Variants in KIRREL3 observed in about 807,000 individuals in gnomAD.
KIRREL3 encodes the protein kin of IRRE-like protein 3.
KIRREL3 carries 36 observed loss-of-function variants against 89.7 expected under a neutral mutation model. The ratio of observed to expected loss-of-function variants is 0.40; its 90% CI spans 0.31 to 0.53. The LOEUF (loss-of-function observed/expected upper bound fraction) is 0.53. Among genes scored for constraint, KIRREL3 ranks in the 20% least tolerant of loss-of-function variants. KIRREL3 has a pLI of 0.49. For missense variants in KIRREL3, 864 were observed against 1,056.6 expected (o/e 0.82, Z 2.53); for synonymous variants, 445 against 441.4 (o/e 1.01, Z -0.10).
rs533217016 is a variant in KIRREL3 at position 126,645,782 on chromosome 11, A to G, written c.56-82870T>C. On this transcript the variant is annotated intron_variant, in intron 1 of 16. Coordinates refer to ENST00000525144, the MANE Select transcript of KIRREL3 (RefSeq NM_032531.4). This position sits in a 1 kb window ranked among gnomAD's most constrained non-coding sequence, Gnocchi z 4.9. Reference sequence around the variant, plus strand: ...TTCGCCTATGCTTTGGACCACATTTAATTAAATGCCTACATTACTGCTTCC... The same window carrying G: ...TTCGCCTATGCTTTGGACCACATTTGATTAAATGCCTACATTACTGCTTCC... Among the ~76,000 whole-genome samples the G allele has an allele frequency of 6.6e-6, 1 of 152,244 alleles. No homozygotes were observed. Among genetic ancestry groups the G allele is most frequent in the African/African-American group, 2.4e-5 (1 of 41,540 alleles).
Position 126,705,914 on chromosome 11 carries a change from T to C in KIRREL3, c.56-143002A>G, listed in dbSNP as rs1396327832. On this transcript the variant is annotated intron_variant, in intron 1 of 16. Coordinates refer to ENST00000525144, the MANE Select transcript of KIRREL3 (RefSeq NM_032531.4). This position sits in a 1 kb window ranked among gnomAD's most constrained non-coding sequence, Gnocchi z 4.3. ...TGTTTCTGCTTGCAGTCACTTAGAA[T>C]GCTCCTTTTCAGAATCTGGCCCCTG... is the stretch of plus-strand genomic sequence containing the variant. 6.6e-6 allele frequency among the ~76,000 whole-genome samples: 1 copy of C among 152,222 alleles called. No individual in the cohort carries two copies. The highest frequency in any genetic ancestry group is 1.9e-4 in the East Asian group (1 of 5,202).
intron 1 of KIRREL3, among the ~76,000 whole-genome samples, chr11:126,633,371 A>AC (rs1490766299): frequency 2.0e-5 from 3 of 152,046 alleles, no homozygotes; most frequent in Non-Finnish European, 2.9e-5. Flanking sequence ...AAACAAACAA[A>AC]AAAATTGATT....
chr11:126,914,206 G>A (rs1479660746), intron 1 of KIRREL3, among the ~76,000 whole-genome samples: 1 of 152,218 alleles, frequency 6.6e-6, no homozygotes, highest in Non-Finnish European at 1.5e-5. Flanking sequence ...AAAAGGAAAG[G>A]GCACGTGGAG....
intron 10 of KIRREL3, among the ~76,000 whole-genome samples, chr11:126,442,104 G>C (rs1019842576): frequency 1.3e-5 from 2 of 151,618 alleles, no homozygotes; most frequent in Admixed American, 1.3e-4. Context: ...AACCCCGTCT[G>C]TACTAAAAAT....
In KIRREL3 at chr11:126,429,221, A is replaced by G; in HGVS notation, c.1764T>C (p.Ser588=). Residue 588 remains serine (S), a synonymous_variant, in exon 15 of 17, where the codon TCT becomes TCC. Transcript: ENST00000525144. This position sits in a 1 kb window ranked among gnomAD's most constrained non-coding sequence, Gnocchi z 5.2. The stretch of plus-strand genomic sequence containing the variant: ...TGGAGTGCTCCTCACCCTCCCGACC[A>G]GAGGCTGGTTCCTTGTGGACAATTT... ...RVEIVHKEPA[S]GREGEEHSTI... is the part of the protein sequence containing the mutation. 1.9e-6 allele frequency: 3 copies of G among 1,613,972 alleles called. No individual in the cohort carries two copies. The highest frequency in any genetic ancestry group is 2.5e-6 in the Non-Finnish European group (3 of 1,179,850).
At chr11:126,923,176 C>CTTCTTCT (rs766266024) in intron 1 of KIRREL3, among the ~76,000 whole-genome samples, 466 of 17,966 alleles carry the variant, frequency 0.026, 115 homozygotes, top group Non-Finnish European at 0.026. Context: ...TCTTCTTCTT[C>CTTCTTCT]TCTTCTTCTT....
intron 2 of KIRREL3, among the ~76,000 whole-genome samples, chr11:126,538,502 C>G (rs1938098739): frequency 1.3e-5 from 2 of 152,132 alleles, no homozygotes; most frequent in South Asian, 4.1e-4. Flanking sequence ...CCTCGAAACC[C>G]AAGTCTTGAA....
chr11:126,693,462 T>C (rs1946958958), intron 1 of KIRREL3, among the ~76,000 whole-genome samples: 3 of 151,936 alleles, frequency 2.0e-5, no homozygotes, highest in Admixed American at 2.0e-4. Flanking sequence ...ACAAAAAAAC[T>C]GGCTATCAGG....
At chr11:126,461,316 C>T (rs530907414) in intron 6 of KIRREL3, among the ~76,000 whole-genome samples, 1 of 152,244 alleles carries the variant, frequency 6.6e-6, no homozygotes, top group Admixed American at 6.5e-5. Context: ...AGGCCAGGGC[C>T]AGGGCCAGTG....
chr11:126,825,240 C>T (rs1943366873), intron 1 of KIRREL3, among the ~76,000 whole-genome samples: 1 of 152,158 alleles, frequency 6.6e-6, no homozygotes, highest in African/African-American at 2.4e-5. Context: ...TGCTTCATGT[C>T]TGTGCACTTG....
In KIRREL3 at chr11:126,775,084, A is replaced by G. The variant is rs915255180; in HGVS notation, c.56-212172T>C. On this transcript the variant is annotated intron_variant, in intron 1 of 16. Coordinates refer to ENST00000525144, the MANE Select transcript of KIRREL3 (RefSeq NM_032531.4). ...CTGCTAGGCTTTAGTTTTCCCGAGC[A>G]GCTGGGGCAAATACCCAACAAATAC... Among the ~76,000 whole-genome samples the G allele has an allele frequency of 7.2e-5, 11 of 152,318 alleles. No individual in the cohort carries two copies. The East Asian group carries it at 9.7e-4, about 13-fold the overall frequency.
chr11:126,563,756 C>T lies in KIRREL3; in HGVS notation c.56-844G>A, dbSNP rs969737759. On this transcript the variant is annotated intron_variant, in intron 1 of 16. Transcript: ENST00000525144. The surrounding 1 kb of genome is among the most constrained non-coding windows in gnomAD (Gnocchi z 6.8). ...TGTGTGTGAGCATTAAATTGGAGTC[C>T]ATCTGCCTCACAAGAAGGCAAGCTT... Among the ~76,000 whole-genome samples, 1 of 152,110 alleles carries T rather than the reference C, an allele frequency of 6.6e-6. No individual in the cohort carries two copies. The highest frequency in any genetic ancestry group is 1.5e-5 in the Non-Finnish European group (1 of 68,016).
At position 126,811,770 on chromosome 11, in the gene KIRREL3, A is replaced by T. The variant is rs1204271592; in HGVS notation, c.55+188685T>A. Among the ~76,000 whole-genome samples the T allele has an allele frequency of 6.6e-6, 1 of 152,082 alleles. No individual in the cohort carries two copies. The highest frequency in any genetic ancestry group is 2.4e-5 in the African/African-American group (1 of 41,424). ...CCCAGCTAATTTTTGTACCTTTAGTAGAGATGGGGTTGCACTATATTGGCC... is the reference window on the plus strand; with the variant it reads ...CCCAGCTAATTTTTGTACCTTTAGTTGAGATGGGGTTGCACTATATTGGCC... On this transcript the variant is annotated intron_variant, in intron 1 of 16. Coordinates refer to ENST00000525144, the MANE Select transcript of KIRREL3 (RefSeq NM_032531.4). This position sits in a 1 kb window ranked among gnomAD's most constrained non-coding sequence, Gnocchi z 4.3.
rs1367214886 is a variant in KIRREL3 at position 126,817,178 on chromosome 11, A to C, written c.55+183277T>G. Among the ~76,000 whole-genome samples, 2 of 152,242 alleles carry C rather than the reference A, an allele frequency of 1.3e-5. No homozygotes were observed. The highest frequency in any genetic ancestry group is 4.8e-5 in the African/African-American group (2 of 41,470). ...TAAACAGCAAAAAAGCCAAGTGTAT[A>C]AAACAGCTCATCTAAGACCAGAGGA... On this transcript the variant is annotated intron_variant, in intron 1 of 16. Transcript: ENST00000525144. The surrounding 1 kb of genome is among the most constrained non-coding windows in gnomAD (Gnocchi z 5.7).
In KIRREL3 at chr11:126,753,730, C is replaced by A. The variant is rs146433190; in HGVS notation, c.56-190818G>T. On this transcript the variant is annotated intron_variant, in intron 1 of 16. Transcript: ENST00000525144. ...TGGATCTGAGCTCCTGCCTCCCATC[C>A]CCAGTTCTCCGTATGATGCTGGGTA... 3.4e-3 allele frequency among the ~76,000 whole-genome samples: 517 copies of A among 152,220 alleles called. 4 individuals carry two copies. Among genetic ancestry groups the A allele is most frequent in the Non-Finnish European group, 5.0e-3 (339 of 68,010 alleles).
rs1455630640 is a variant in KIRREL3, at chr11:126,528,674, G to T, written c.134-1987C>A. Among the ~76,000 whole-genome samples, 1 of 151,634 alleles carries T rather than the reference G, an allele frequency of 6.6e-6. No individual in the cohort carries two copies. The highest frequency in any genetic ancestry group is 1.5e-5 in the Non-Finnish European group (1 of 67,948). On this transcript the variant is annotated intron_variant, in intron 2 of 16. Coordinates refer to ENST00000525144, the MANE Select transcript of KIRREL3 (RefSeq NM_032531.4). The surrounding 1 kb of genome is among the most constrained non-coding windows in gnomAD (Gnocchi z 4.6). ...TCTCTGTCTCTTCAAGTTCTCTGTT[G>T]TAATTAGACTGTTTCTGGCACCAAA...
chr11:126,915,871 C>T (rs1947018409), intron 1 of KIRREL3, among the ~76,000 whole-genome samples: 1 of 152,136 alleles, frequency 6.6e-6, no homozygotes, highest in African/African-American at 2.4e-5. Flanking sequence ...AAATGGGTCA[C>T]ATAACCATTT....
chr11:126,491,417 G>A lies in KIRREL3; in HGVS notation c.434-17951C>T, dbSNP rs573408782. Reference sequence around the variant, plus strand: ...GCCCTCTCTTCCTGCAGGGCTGGCTGAGAACTAATTCAAGGCCATGTGACT... The same window carrying A: ...GCCCTCTCTTCCTGCAGGGCTGGCTAAGAACTAATTCAAGGCCATGTGACT... On this transcript the variant is annotated intron_variant, in intron 4 of 16. Coordinates refer to ENST00000525144, the MANE Select transcript of KIRREL3 (RefSeq NM_032531.4). The surrounding 1 kb of genome is among the most constrained non-coding windows in gnomAD (Gnocchi z 5.5). Among the ~76,000 whole-genome samples, 1 of 152,338 alleles carries A rather than the reference G, an allele frequency of 6.6e-6. No individual in the cohort carries two copies. Among genetic ancestry groups the A allele is most frequent in the East Asian group, 1.9e-4 (1 of 5,166 alleles).
At chr11:126,806,971 T>G (rs1951223859) in intron 1 of KIRREL3, among the ~76,000 whole-genome samples, 1 of 152,188 alleles carries the variant, frequency 6.6e-6, no homozygotes. Flanking sequence ...CTGAGAATGA[T>G]GGTTTCCAGT....
Sources: gnomAD v4.1 joint callset for allele counts (sites outside exome capture counted in the v4.1 genomes callset) on GRCh38, gnomAD v4.1.1 for gene constraint, Gnocchi (gnomAD v3.1) non-coding constraint, MANE v1.5 for transcripts, NCBI Gene and HGNC (gene_info 2026-07-23, HGNC 2026-07-21) for gene names.